Variants in TRPM3 observed in about 807,000 individuals in gnomAD.
TRPM3 encodes transient receptor potential cation channel subfamily M member 3.
A neutral mutation model predicts 181.2 loss-of-function variants in TRPM3; 77 were observed. The ratio of observed to expected loss-of-function variants is 0.42; its 90% CI spans 0.35 to 0.51. The LOEUF (loss-of-function observed/expected upper bound fraction) is 0.51, where lower values mean the gene tolerates loss of function less well. TRPM3 is among the 20% of genes least tolerant of loss of function. The probability of loss-of-function intolerance (pLI) is 0.01; values close to 1 mark genes in which losing one functional copy is unlikely to be tolerated. For synonymous variants in TRPM3, 745 were observed against 796.4 expected (o/e 0.94, Z 1.09); for missense variants, 1,759 against 2,196.7 (o/e 0.80, Z 3.98).
chr9:71,015,703 CA>C (rs1407180475), intron 1 of TRPM3, among the ~76,000 whole-genome samples: 4 of 151,990 alleles, frequency 2.6e-5, no homozygotes, highest in Admixed American at 2.0e-4. Context: ...ATTGATAATC[CA>C]AAACGTTCTT....
chr9:70,595,450 G>C (rs559774472), intron 21 of TRPM3, among the ~76,000 whole-genome samples: 1 of 152,286 alleles, frequency 6.6e-6, no homozygotes, highest in South Asian at 2.1e-4. Context: ...GGCATCCACT[G>C]GGTAGACACT....
intron 22 of TRPM3, among the ~76,000 whole-genome samples, chr9:70,560,858 C>T (rs561890153): frequency 6.6e-6 from 1 of 152,274 alleles, no homozygotes; most frequent in South Asian, 2.1e-4. Context: ...GGGGCAGGCA[C>T]CTCCACCCCA....
At chr9:71,004,591 T>A (rs1227894610) in intron 1 of TRPM3, among the ~76,000 whole-genome samples, 1 of 152,146 alleles carries the variant, frequency 6.6e-6, no homozygotes, top group Non-Finnish European at 1.5e-5. Context: ...CAGAGAACTA[T>A]GACATCACCA....
intron 1 of TRPM3, among the ~76,000 whole-genome samples, chr9:71,100,661 C>T (rs1005562929): frequency 6.6e-6 from 1 of 152,118 alleles, no homozygotes; most frequent in Non-Finnish European, 1.5e-5. Flanking sequence ...CTCCACTTCC[C>T]TTCCTTGCCC....
At chr9:70,890,459 A>G (rs1198636701) in intron 1 of TRPM3, among the ~76,000 whole-genome samples, 1 of 152,128 alleles carries the variant, frequency 6.6e-6, no homozygotes, top group African/African-American at 2.4e-5. Context: ...ATAAATTTCC[A>G]AATTGAAGGG....
intron 1 of TRPM3, among the ~76,000 whole-genome samples, chr9:71,166,290 A>C (rs2076538220): frequency 6.6e-6 from 1 of 152,146 alleles, no homozygotes; most frequent in Non-Finnish European, 1.5e-5. Context: ...AGCTACTCAG[A>C]AAGCCATTCT....
intron 1 of TRPM3, among the ~76,000 whole-genome samples, chr9:71,328,372 T>C (rs967947764): frequency 7.2e-5 from 11 of 152,154 alleles, no homozygotes; most frequent in African/African-American, 2.7e-4. Context: ...TTCACCGTGT[T>C]AGCCAGGATG....
Position 71,383,742 on chromosome 9 carries a change from A to C in TRPM3, c.183+62911T>G, listed in dbSNP as rs544037130. On this transcript the variant is annotated intron_variant, in intron 1 of 24. Coordinates refer to the TRPM3 transcript ENST00000357533. ...CATAAACACATCAATCTTACCAAGC[A>C]GGTCTCAAACATGATTACACAAGCA... 2.2e-4 allele frequency among the ~76,000 whole-genome samples: 34 copies of C among 152,364 alleles called. No individual in the cohort carries two copies. The South Asian group carries it at 4.1e-3, about 19-fold the overall frequency.
intron 1 of TRPM3, among the ~76,000 whole-genome samples, chr9:71,258,778 G>C (rs183464124): frequency 1.3e-5 from 2 of 152,130 alleles, no homozygotes; most frequent in African/African-American, 2.4e-5. Context: ...AGGGGTAATA[G>C]AATTTTCCCT....
intron 1 of TRPM3, among the ~76,000 whole-genome samples, chr9:71,277,331 C>T (rs1346282779): frequency 1.3e-5 from 2 of 152,078 alleles, no homozygotes; most frequent in Non-Finnish European, 1.5e-5. Flanking sequence ...GTAACGTGTA[C>T]GTAGTTCTGC....
chr9:70,616,082 TA>T lies in TRPM3; in HGVS notation c.2359-8del. 6.4e-7 allele frequency: 1 copy of T among 1,554,946 alleles called. No individual in the cohort carries two copies. Among genetic ancestry groups the T allele is most frequent in the Non-Finnish European group, 8.7e-7 (1 of 1,150,714 alleles). On this transcript the variant is annotated splice_region_variant and splice_polypyrimidine_tract_variant and intron_variant, in intron 17 of 25. Coordinates refer to ENST00000677713, the MANE Select transcript of TRPM3 (RefSeq NM_001366145.2). ...GTAGAATTCCCAGAATTACCTAAAG[TA>T]ATAATAATGATAATAATAATAATCA...
chr9:71,122,178 T>G, upstream of TRPM3, among the ~76,000 whole-genome samples: 1 of 152,164 alleles, frequency 6.6e-6, no homozygotes, highest in East Asian at 1.9e-4. Flanking sequence ...GTTTAACCCA[T>G]AAAGTGCCAC....
chr9:71,087,808 C>T (rs972107894), intron 1 of TRPM3, among the ~76,000 whole-genome samples: 7 of 152,050 alleles, frequency 4.6e-5, no homozygotes, highest in African/African-American at 1.4e-4. Flanking sequence ...TAACTAATAA[C>T]GGACTTCAGC....
At chr9:70,887,766 T>C (rs185855113) in intron 1 of TRPM3, among the ~76,000 whole-genome samples, 1 of 152,330 alleles carries the variant, frequency 6.6e-6, no homozygotes, top group East Asian at 1.9e-4. Flanking sequence ...CACCAGAGAA[T>C]GGTTTGCCCC....
At chr9:70,830,698 T>C (rs184889396) in intron 5 of TRPM3, among the ~76,000 whole-genome samples, 3 of 152,340 alleles carry the variant, frequency 2.0e-5, no homozygotes, top group Admixed American at 1.3e-4. Context: ...TTGTGGAAAT[T>C]TGTTTGAATC....
chr9:71,229,330 G>A (rs2080895933), intron 1 of TRPM3, among the ~76,000 whole-genome samples: 1 of 152,056 alleles, frequency 6.6e-6, no homozygotes, highest in African/African-American at 2.4e-5. Flanking sequence ...AATAGGTGAA[G>A]AGCATAAATC....
At chr9:70,628,359 C>A (rs2065052566) in intron 12 of TRPM3, among the ~76,000 whole-genome samples, 1 of 152,198 alleles carries the variant, frequency 6.6e-6, no homozygotes, top group African/African-American at 2.4e-5. Context: ...AGACACTTTC[C>A]CTTAAGCTCT....
chr9:71,000,993 G>T (rs938575705), intron 1 of TRPM3, among the ~76,000 whole-genome samples: 1 of 152,196 alleles, frequency 6.6e-6, no homozygotes, highest in African/African-American at 2.4e-5. Flanking sequence ...AGTCTCAGAA[G>T]ATTACATGCA....
intron 1 of TRPM3, among the ~76,000 whole-genome samples, chr9:70,978,311 T>C (rs1410972883): frequency 1.3e-5 from 2 of 152,236 alleles, no homozygotes; most frequent in Non-Finnish European, 2.9e-5. Flanking sequence ...CATTGACTGC[T>C]TATATATTTA....
Sources: allele counts gnomAD v4.1 joint callset (sites outside exome capture counted in the v4.1 genomes callset), GRCh38; gene constraint gnomAD v4.1.1; transcripts MANE v1.5; gene names NCBI Gene and HGNC (gene_info 2026-07-23, HGNC 2026-07-21).